The following UGGT1 variants were observed in gnomAD, a reference collection of about 807,000 sequenced individuals.
The protein encoded by UGGT1 is UDP-glucose:glycoprotein glucosyltransferase 1.
Under a neutral mutation model 203.9 loss-of-function variants are expected in UGGT1, and 107 were observed. The observed-to-expected ratio is 0.52, with a 90% CI of 0.45 to 0.62. The LOEUF (loss-of-function observed/expected upper bound fraction) is 0.62, where lower values mean the gene tolerates loss of function less well. Ranked by LOEUF, UGGT1 falls within the 20% of genes least tolerant of loss-of-function variation. UGGT1 has a pLI of 0.00. For missense variants in UGGT1, 1,673 were observed against 1,867.2 expected (o/e 0.90, Z 1.92); for synonymous variants, 628 against 653.5 (o/e 0.96, Z 0.59).
At chr2:128,180,789 G>T (rs1442371531) in intron 35 of UGGT1, 101 bp from the exon 36 acceptor site, 7 of 1,224,164 alleles carry the variant, frequency 5.7e-6, no homozygotes, top group Non-Finnish European at 7.9e-6. Context: ...TTTGGTAAAT[G>T]TGTTTTATTT....
chr2:128,133,298 C>T, intron 14 of UGGT1, 38 bp downstream of exon 14: 1 of 1,554,834 alleles, frequency 6.4e-7, no homozygotes, highest in South Asian at 1.1e-5. Flanking sequence ...AACTCTGTTT[C>T]TCCCTTGCCT....
At chr2:128,103,156 A>C in intron 2 of UGGT1, 1 of 469,678 alleles carries the variant, frequency 2.1e-6, no homozygotes, top group South Asian at 1.6e-5. Context: ...GTAAGCTGAG[A>C]TCCAGATCTG....
intron 8 of UGGT1, among the ~76,000 whole-genome samples, chr2:128,117,998 G>GAA (rs1688209473): frequency 1.1e-5 from 1 of 88,646 alleles, no homozygotes; most frequent in Non-Finnish European, 2.9e-5. Context: ...GTGTGTGAGA[G>GAA]AGAGAGAGAG....
chr2:128,112,522 G>C (rs1258841906), intron 5 of UGGT1, among the ~76,000 whole-genome samples: 10 of 129,102 alleles, frequency 7.7e-5, no homozygotes, highest in Admixed American at 3.5e-4. Context: ...TATGTATCCT[G>C]TTTTGGCCCT....
In UGGT1 at chr2:128,182,037, A is replaced by T. The variant is rs914385293; in HGVS notation, c.4084-93A>T. 6.1e-6 allele frequency: 8 copies of T among 1,302,340 alleles called. No individual in the cohort carries two copies. The African/African-American group carries it at 8.8e-5, about 14-fold the overall frequency. 80.7% of individuals were successfully genotyped at this position (1,302,340 alleles called of 1,614,324 possible). A position where few individuals can be genotyped will look rare whatever the true frequency, so the allele number is the denominator to read the frequency against. On this transcript the variant is annotated intron_variant, in intron 36 of 40. Transcript: ENST00000259253. ...GCCACTAACCACGGAGCAGCCTTCC[A>T]TGCTGCCTTAAGCGAGCCACTCTGT...
rs191809052 is a variant in UGGT1 at position 128,108,127 on chromosome 2, G to T, written c.408+59G>T. On this transcript the variant is annotated intron_variant, in intron 4 of 40. Coordinates refer to ENST00000259253, the MANE Select transcript of UGGT1 (RefSeq NM_020120.4). ...GAGTGTATATCATGATGAATGGATG[G>T]ACCCCAGTTGTCCTGGAATTGAATT... 1.1e-3 allele frequency: 1,701 copies of T among 1,565,772 alleles called. 7 individuals carry two copies. The highest frequency in any genetic ancestry group is 2.0e-3 in the Admixed American group (112 of 54,644).
chr2:128,168,417 G>C (rs1690904031), intron 26 of UGGT1, among the ~76,000 whole-genome samples: 1 of 152,198 alleles, frequency 6.6e-6, no homozygotes, highest in African/African-American at 2.4e-5. Flanking sequence ...CAGTGAAGAT[G>C]TGAAGTAACC....
At chr2:128,185,449 T>C (rs1362237179) in intron 38 of UGGT1, among the ~76,000 whole-genome samples, 34 of 149,792 alleles carry the variant, frequency 2.3e-4, no homozygotes, top group Non-Finnish European at 3.6e-4. Context: ...GGATTGCAGG[T>C]GTGAGCCACC....
At chr2:128,119,947 C>CT (rs1235237532) in intron 8 of UGGT1, among the ~76,000 whole-genome samples, 280 of 144,872 alleles carry the variant, frequency 1.9e-3, no homozygotes, top group African/African-American at 5.8e-3. Flanking sequence ...TTCTTTTTTT[C>CT]TTTTTTTTTT....
At chr2:128,150,684 T>TTTC (rs888045277) in intron 18 of UGGT1, among the ~76,000 whole-genome samples, 1 of 98,748 alleles carries the variant, frequency 1.0e-5, no homozygotes, top group South Asian at 2.7e-4. Context: ...TTTTTTTTTT[T>TTTC]ACAAATGTTT....
intron 1 of UGGT1, 107 bp downstream of exon 1, chr2:128,091,522 G>T (rs1222654428): frequency 2.7e-6 from 4 of 1,487,134 alleles, no homozygotes; most frequent in African/African-American, 1.4e-5. Context: ...CCGTGACTCA[G>T]TTTACCCTCT....
At chr2:128,095,849 A>G (rs1050375826) in intron 1 of UGGT1, among the ~76,000 whole-genome samples, 3 of 152,290 alleles carry the variant, frequency 2.0e-5, no homozygotes, top group Admixed American at 6.5e-5. Context: ...CTAGTCCCCA[A>G]TGTGGACAGC....
chr2:128,174,394 G>T (rs1691269937), intron 30 of UGGT1, among the ~76,000 whole-genome samples: 1 of 151,390 alleles, frequency 6.6e-6, no homozygotes, highest in Admixed American at 6.6e-5. Flanking sequence ...CGCCTCCCAG[G>T]TTCAAGCAAT....
At chr2:128,185,811 TC>T (rs1691947221) in intron 38 of UGGT1, among the ~76,000 whole-genome samples, 1 of 152,188 alleles carries the variant, frequency 6.6e-6, no homozygotes, top group Admixed American at 6.5e-5. Flanking sequence ...CATGGAACAT[TC>T]TTTACAAGTA....
intron 31 of UGGT1, 30 bp downstream of exon 31, chr2:128,174,888 C>T: frequency 1.3e-6 from 2 of 1,583,486 alleles, no homozygotes; most frequent in Non-Finnish European, 1.7e-6. Flanking sequence ...TTACATTATC[C>T]CAGAACTTTT....
intron 38 of UGGT1, 120 bp downstream of exon 38, chr2:128,183,909 G>GGTGT (rs558911313): frequency 0.015 from 4,955 of 339,464 alleles, 69 homozygotes; most frequent in East Asian, 0.061. Flanking sequence ...GTTTTTTCAT[G>GGTGT]GTGTGTGTGT....
chr2:128,109,751 A>T lies in UGGT1; in HGVS notation c.521+5A>T. On this transcript the variant is annotated splice_donor_5th_base_variant and intron_variant, in intron 5 of 40. Coordinates refer to ENST00000259253, the MANE Select transcript of UGGT1 (RefSeq NM_020120.4). ...TCTACTGACAGCCTCTGAAAGGTAG[A>T]TTATGTGTTTCTTTATTTTCATGTC... 6.2e-7 allele frequency: 1 copy of T among 1,607,284 alleles called. No individual in the cohort carries two copies. The highest frequency in any genetic ancestry group is 8.5e-7 in the Non-Finnish European group (1 of 1,174,118).
intron 25 of UGGT1, among the ~76,000 whole-genome samples, chr2:128,163,743 C>T (rs1690647596): frequency 6.6e-6 from 1 of 151,722 alleles, no homozygotes; most frequent in Non-Finnish European, 1.5e-5. Flanking sequence ...TTAGAAGAGG[C>T]AGGGACAATA....
At chr2:128,160,354 T>C (rs1573594626) in intron 23 of UGGT1, 106 bp from the exon 24 acceptor site, 3 of 1,230,774 alleles carry the variant, frequency 2.4e-6, no homozygotes, top group Admixed American at 3.0e-5. Context: ...AAATTAGTTA[T>C]TACTTTCCAG....
Sources: gnomAD v4.1 joint callset for allele counts (sites outside exome capture counted in the v4.1 genomes callset) on GRCh38, gnomAD v4.1.1 for gene constraint, MANE v1.5 for transcripts, NCBI Gene and HGNC (gene_info 2026-07-23, HGNC 2026-07-21) for gene names.